PCDHGA3: variants seen among roughly 807,000 people sequenced by gnomAD.
The protein encoded by PCDHGA3 is protocadherin gamma subfamily A, 3, also known as protocadherin gamma-A3.
Under a neutral mutation model 58.5 loss-of-function variants are expected in PCDHGA3, and 40 were observed. The observed-to-expected ratio is 0.68, with a 90% confidence interval of 0.53 to 0.89. The LOEUF is 0.89. PCDHGA3 is among the 40% of genes least tolerant of loss of function. The probability of loss-of-function intolerance (pLI) is 0.00; values close to 1 mark genes in which losing one functional copy is unlikely to be tolerated. For missense variants in PCDHGA3, 1,223 were observed against 1,195.9 expected, an observed-to-expected ratio of 1.02 and a Z score of -0.33; for synonymous variants, 530 against 525.7, an observed-to-expected ratio of 1.01 and a Z score of -0.11.
Position 141,476,140 on chromosome 5 carries a change from C to G in PCDHGA3, c.2425-18667C>G. On this transcript the variant is annotated intron_variant, in intron 1 of 3. Coordinates refer to ENST00000253812, the MANE Select transcript of PCDHGA3 (RefSeq NM_018916.4). This position sits in a 1 kb window ranked among gnomAD's most constrained non-coding sequence, Gnocchi z 7.6. ...AGATGGTCCCAGAGGCCTGGAGGAGCGGACTGGTAAGCACCGGGAGGGTAG... is the reference window on the plus strand; with the variant it reads ...AGATGGTCCCAGAGGCCTGGAGGAGGGGACTGGTAAGCACCGGGAGGGTAG... The G allele has an allele frequency of 2.5e-6, 4 of 1,609,222 alleles. No individual in the cohort carries two copies. Among genetic ancestry groups the G allele is most frequent in the Non-Finnish European group, 1.7e-6 (2 of 1,178,484 alleles).
Position 141,486,929 on chromosome 5 carries a change from G to A in PCDHGA3, c.2425-7878G>A. 2.5e-6 allele frequency: 4 copies of A among 1,614,226 alleles called. No individual in the cohort carries two copies. Among genetic ancestry groups the A allele is most frequent in the Non-Finnish European group, 2.5e-6 (3 of 1,180,038 alleles). ...CCAAGCACTGCCTCCATCAGTTGGT[G>A]CTGGCCACCTAATCACAAAGGTGAC... On this transcript the variant is annotated intron_variant, in intron 1 of 3. Transcript: ENST00000253812. This position sits in a 1 kb window ranked among gnomAD's most constrained non-coding sequence, Gnocchi z 5.0.
intron 1 of PCDHGA3, chr5:141,355,325 G>C: frequency 6.2e-7 from 1 of 1,614,010 alleles, no homozygotes; most frequent in Admixed American, 1.7e-5. Context: ...CAGGAAGAAG[G>C]CTCAGTGGTG....
intron 1 of PCDHGA3, chr5:141,362,326 C>T: frequency 6.2e-7 from 1 of 1,614,070 alleles, no homozygotes; most frequent in African/African-American, 1.3e-5. Flanking sequence ...TCAGCCTGGT[C>T]TCAGCTCCAA....
intron 1 of PCDHGA3, chr5:141,395,381 A>G (rs562557513): frequency 2.0e-4 from 223 of 1,094,768 alleles, no homozygotes; most frequent in African/African-American, 1.2e-3. Context: ...TGGTGTTACT[A>G]TAAAATTGAA....
chr5:141,376,919 C>T (rs1232247479), intron 1 of PCDHGA3: 1 of 173,284 alleles, frequency 5.8e-6, no homozygotes, highest in Non-Finnish European at 1.2e-5. Context: ...GATCTCCTGA[C>T]CTCATGATCC....
intron 1 of PCDHGA3, chr5:141,383,999 C>A: frequency 1.2e-6 from 2 of 1,613,800 alleles, no homozygotes; most frequent in Non-Finnish European, 1.7e-6. Context: ...ACAGTCATTG[C>A]TCTTTTCTAC....
At chr5:141,359,896 A>G in intron 1 of PCDHGA3, 1 of 397,074 alleles carries the variant, frequency 2.5e-6, no homozygotes, top group Non-Finnish European at 4.4e-6. Flanking sequence ...GCAAATATTG[A>G]CAAGCCATTA....
chr5:141,485,566 C>G lies in PCDHGA3; in HGVS notation c.2425-9241C>G, dbSNP rs768144422. On this transcript the variant is annotated intron_variant, in intron 1 of 3. Transcript: ENST00000253812. This position sits in a 1 kb window ranked among gnomAD's most constrained non-coding sequence, Gnocchi z 5.7. ...TCGTAGATGTGAATGATCACGCCCC[C>G]CGTTTTCCGCGGCAGCAGCTGGACT... 2.5e-6 allele frequency: 4 copies of G among 1,612,808 alleles called. No homozygotes were observed. Among genetic ancestry groups the G allele is most frequent in the South Asian group, 2.2e-5 (2 of 91,028 alleles).
chr5:141,485,105 G>A lies in PCDHGA3; in HGVS notation c.2425-9702G>A. On this transcript the variant is annotated intron_variant, in intron 1 of 3. Transcript: ENST00000253812. The surrounding 1 kb of genome is among the most constrained non-coding windows in gnomAD (Gnocchi z 5.7). ...AGGGAGATAGGTGTCTCCAGCTGCT[G>A]TGGCTGTTTGGGGCGGGTCGGCTTC... 8.3e-7 allele frequency: 1 copy of A among 1,205,940 alleles called. No individual in the cohort carries two copies. Among genetic ancestry groups the A allele is most frequent in the Non-Finnish European group, 1.2e-6 (1 of 827,784 alleles). The allele number at this position is 1,205,940 out of a possible 1,614,324, so 74.7% of individuals were successfully genotyped here.
At chr5:141,426,850 C>T in intron 1 of PCDHGA3, 1 of 456,734 alleles carries the variant, frequency 2.2e-6, no homozygotes. Context: ...GGCAAGAACG[C>T]TCCAGAATTA....
chr5:141,356,431 G>A (rs1760220758), intron 1 of PCDHGA3: 1 of 1,609,622 alleles, frequency 6.2e-7, no homozygotes, highest in Non-Finnish European at 8.5e-7. Context: ...CAGAACACTG[G>A]ACAGGGAAGA....
chr5:141,439,124 C>A (rs550781116), intron 1 of PCDHGA3, among the ~76,000 whole-genome samples: 332 of 150,120 alleles, frequency 2.2e-3, no homozygotes, highest in Non-Finnish European at 3.9e-3. Context: ...ACCCGGGAGA[C>A]AGAGGTTGCA....
intron 1 of PCDHGA3, among the ~76,000 whole-genome samples, chr5:141,349,378 T>C (rs1273851475): frequency 6.6e-6 from 1 of 152,112 alleles, no homozygotes; most frequent in Non-Finnish European, 1.5e-5. Flanking sequence ...GTATTTAATA[T>C]ACATTCATAT....
At chr5:141,423,975 A>G in intron 1 of PCDHGA3, 2 of 1,126,024 alleles carry the variant, frequency 1.8e-6, no homozygotes, top group Non-Finnish European at 2.2e-6. Flanking sequence ...TTATCAGTGT[A>G]TGAGGCTCTC....
Position 141,432,089 on chromosome 5 carries a change from G to A in PCDHGA3, c.2425-62718G>A, listed in dbSNP as rs1325165974. On this transcript the variant is annotated intron_variant, in intron 1 of 3. Transcript: ENST00000253812. The surrounding 1 kb of genome is among the most constrained non-coding windows in gnomAD (Gnocchi z 6.0). Reference sequence around the variant, plus strand: ...AACTCATATCTCGCTGAACGTGGCAGACACCAACGACAACCCGCCGGTCTT... The same window carrying A: ...AACTCATATCTCGCTGAACGTGGCAAACACCAACGACAACCCGCCGGTCTT... The A allele has an allele frequency of 6.2e-7, 1 of 1,614,046 alleles. No homozygotes were observed. Among genetic ancestry groups the A allele is most frequent in the Non-Finnish European group, 8.5e-7 (1 of 1,180,052 alleles).
At chr5:141,509,953 G>A (rs987910496) in intron 3 of PCDHGA3, among the ~76,000 whole-genome samples, 4 of 152,282 alleles carry the variant, frequency 2.6e-5, no homozygotes, top group Non-Finnish European at 4.4e-5. Context: ...AAATGCTACC[G>A]GGTATGGCCT....
At chr5:141,405,491 C>T (rs1399017717) in intron 1 of PCDHGA3, 1 of 858,762 alleles carries the variant, frequency 1.2e-6, no homozygotes, top group East Asian at 2.7e-5. Flanking sequence ...GTGATCTCGG[C>T]TCATTGCAAC....
At chr5:141,382,916 G>A (rs1778572994) in intron 1 of PCDHGA3, 12 of 1,554,424 alleles carry the variant, frequency 7.7e-6, no homozygotes, top group Non-Finnish European at 9.6e-6. Flanking sequence ...GCTCAGCCGA[G>A]GGGCGGGGAC....
intron 1 of PCDHGA3, among the ~76,000 whole-genome samples, chr5:141,438,828 A>T (rs1364963084): frequency 6.7e-6 from 1 of 149,956 alleles, no homozygotes; most frequent in Non-Finnish European, 1.5e-5. Context: ...TGCCCAGCTA[A>T]TTTTTTAAAA....
Sources: allele counts gnomAD v4.1 joint callset (sites outside exome capture counted in the v4.1 genomes callset), GRCh38; gene constraint gnomAD v4.1.1; non-coding constraint Gnocchi (gnomAD v3.1); transcripts MANE v1.5; gene names NCBI Gene and HGNC (gene_info 2026-07-23, HGNC 2026-07-21).